The following RRH variants were observed in gnomAD, a reference collection of about 807,000 sequenced individuals.
RRH encodes the protein visual pigment-like receptor peropsin.
In RRH, 36 loss-of-function variants were observed where a neutral mutation model predicts 33.1. That is an observed-to-expected ratio of 1.09 (90% confidence interval 0.83 to 1.44). The LOEUF (loss-of-function observed/expected upper bound fraction) is 1.44. Ranked by LOEUF, RRH falls within the 40% of genes most tolerant of loss-of-function variation. RRH has a pLI of 0.00. For synonymous variants in RRH, 124 were observed against 140.2 expected, an observed-to-expected ratio of 0.88 and a Z score of 0.82; for missense variants, 393 against 420.2, an observed-to-expected ratio of 0.94 and a Z score of 0.57.
Position 109,844,096 on chromosome 4 carries a change from A to G in RRH, c.913A>G (p.Met305Val), listed in dbSNP as rs937900809. The G allele has an allele frequency of 6.2e-7, 1 of 1,612,840 alleles. No individual in the cohort carries two copies. Among genetic ancestry groups the G allele is most frequent in the Non-Finnish European group, 8.5e-7 (1 of 1,178,872 alleles). Reference sequence around the variant, plus strand: ...TTTTTATCGTAGGTTTCGGAGGGCAATGCTTGCCATGTTCAAATGTCAGAC... The same window carrying G: ...TTTTTATCGTAGGTTTCGGAGGGCAGTGCTTGCCATGTTCAAATGTCAGAC... ...VVANKKFRRAMLAMFKCQTHQ... is the reference protein window; with the variant it reads ...VVANKKFRRAVLAMFKCQTHQ... Residue 305 changes from methionine (M) to valine (V), a missense_variant, in exon 7 of 7, where the codon ATG (methionine) becomes GTG (valine). Physicochemically the swap from Met to Val is conservative, Grantham distance 21 (BLOSUM62 1). Coordinates refer to ENST00000317735, the MANE Select transcript of RRH (RefSeq NM_006583.5).
intron 1 of RRH, among the ~76,000 whole-genome samples, chr4:109,831,109 A>G (rs1302426484): frequency 1.3e-5 from 2 of 152,194 alleles, no homozygotes; most frequent in African/African-American, 4.8e-5. Flanking sequence ...CATTATTTCT[A>G]AGACTCCCAG....
intron 6 of RRH, 98 bp downstream of exon 6, chr4:109,842,745 C>G (rs1229920125): frequency 2.8e-6 from 3 of 1,084,408 alleles, no homozygotes; most frequent in Admixed American, 1.8e-5. Context: ...CCACTTCAAT[C>G]TAGCATAAAG....
chr4:109,832,495 A>AGTGTGTGT (rs36127904), intron 1 of RRH, among the ~76,000 whole-genome samples: 21,440 of 135,036 alleles, frequency 0.16, 1,816 homozygotes, highest in Admixed American at 0.2. Context: ...CTATTGGGGT[A>AGTGTGTGT]GTGTGTGTGT....
chr4:109,843,316 A>G (rs1734017251), intron 6 of RRH, among the ~76,000 whole-genome samples: 1 of 152,042 alleles, frequency 6.6e-6, no homozygotes, highest in Admixed American at 6.6e-5. Flanking sequence ...GGTTCAAGCA[A>G]TTCCCTGCCT....
At chr4:109,835,776 A>C (rs1199186565) in intron 3 of RRH, among the ~76,000 whole-genome samples, 3 of 146,454 alleles carry the variant, frequency 2.0e-5, no homozygotes, top group Non-Finnish European at 4.5e-5. Flanking sequence ...TTTAGGTTTC[A>C]GCTTAAATGT....
At chr4:109,829,349 TCTC>T (rs1178066424) in intron 1 of RRH, among the ~76,000 whole-genome samples, 1 of 151,414 alleles carries the variant, frequency 6.6e-6, no homozygotes, top group South Asian at 2.1e-4. Flanking sequence ...ACTGAGAAAA[TCTC>T]CTAACAATTA....
At chr4:109,843,787 T>C (rs1470229301) in intron 6 of RRH, among the ~76,000 whole-genome samples, 1 of 152,236 alleles carries the variant, frequency 6.6e-6, no homozygotes, top group East Asian at 1.9e-4. Context: ...TTAGTAGATG[T>C]CTTCAATCTG....
chr4:109,843,708 A>T (rs1734025922), intron 6 of RRH, among the ~76,000 whole-genome samples: 1 of 152,252 alleles, frequency 6.6e-6, no homozygotes, highest in Non-Finnish European at 1.5e-5. Flanking sequence ...ACACATTGTT[A>T]GTTCAAATAA....
chr4:109,830,099 A>G (rs1157071543), intron 1 of RRH, among the ~76,000 whole-genome samples: 3 of 152,168 alleles, frequency 2.0e-5, no homozygotes, highest in African/African-American at 7.2e-5. Context: ...AACTGTTACA[A>G]CTTCCAGTGC....
At chr4:109,837,190 G>A (rs553513041) in intron 4 of RRH, among the ~76,000 whole-genome samples, 1 of 152,320 alleles carries the variant, frequency 6.6e-6, no homozygotes, top group Non-Finnish European at 1.5e-5. Context: ...TAGCCAGTAT[G>A]TAAATGAGGG....
chr4:109,833,081 T>G (rs1733792054), intron 1 of RRH, 58 bp from the exon 2 acceptor site: 2 of 1,371,126 alleles, frequency 1.5e-6, no homozygotes, highest in African/African-American at 1.4e-5. Context: ...TAATTTTGAG[T>G]CTACTTTGAA....
chr4:109,842,648 G>A lies in RRH; in HGVS notation c.899+1G>A. 6.2e-7 allele frequency: 1 copy of A among 1,609,120 alleles called. No homozygotes were observed. Among genetic ancestry groups the A allele is most frequent in the Non-Finnish European group, 8.5e-7 (1 of 1,175,482 alleles). On this transcript the variant is annotated splice_donor_variant, in intron 6 of 6. Transcript: ENST00000317735. LOFTEE classifies it high-confidence loss of function. ...GCATTTATGTGGTTGCTAATAAAAA[G>A]TAAGTAATGTCTAAAATGCTTGCAG...
At chr4:109,831,660 G>GA (rs1291110127) in intron 1 of RRH, among the ~76,000 whole-genome samples, 1 of 152,122 alleles carries the variant, frequency 6.6e-6, no homozygotes, top group Non-Finnish European at 1.5e-5. Context: ...GGAGAAATAT[G>GA]AGTCAAGCAT....
At chr4:109,833,625 T>C (rs868447061) in intron 2 of RRH, among the ~76,000 whole-genome samples, 92 of 152,266 alleles carry the variant, frequency 6.0e-4, no homozygotes, top group African/African-American at 2.1e-3. Flanking sequence ...TATTTGCATA[T>C]TGCAAATTAA....
rs193170143 is a variant in RRH at position 109,842,186 on chromosome 4, C to T, written c.721-283C>T. On this transcript the variant is annotated intron_variant, in intron 5 of 6. Transcript: ENST00000317735. ...TCAGCTTTTGTACTCTCCCCTAGCA[C>T]GCAGAAAGAAAGAGGGCATTCCTTA... Among the ~76,000 whole-genome samples, 183 of 152,058 alleles carry T rather than the reference C, an allele frequency of 1.2e-3. 3 individuals carry two copies. Among genetic ancestry groups the T allele is most frequent in the African/African-American group, 3.6e-3 (148 of 41,444 alleles).
In RRH at chr4:109,842,487, T is replaced by G. The variant is rs1734002460; in HGVS notation, c.739T>G (p.Cys247Gly). ...TTTTCAGATGTCTGTGATCATGATC[T>G]GCATGTTTCTGGTGGCATGGTCCCC... ...DVTKMSVIMI[C>G]MFLVAWSPYS... is the part of the protein sequence containing the mutation. Residue 247 changes from cysteine to glycine, a missense_variant, in exon 6 of 7, where the codon TGC becomes GGC. By Grantham distance (159) the Cys-to-Gly change is radical. Transcript: ENST00000317735. 4 of 1,614,148 alleles carry G rather than the reference T, an allele frequency of 2.5e-6. No homozygotes were observed. The highest frequency in any genetic ancestry group is 3.4e-6 in the Non-Finnish European group (4 of 1,179,990).
At chr4:109,833,764 T>G (rs62324955) in intron 2 of RRH, among the ~76,000 whole-genome samples, 14,807 of 152,120 alleles carry the variant, frequency 0.097, 846 homozygotes, top group Admixed American at 0.15. Context: ...TGTTACTAAA[T>G]GTTATTTTTT....
chr4:109,843,913 A>C (rs1435440570), intron 6 of RRH, among the ~76,000 whole-genome samples, 170 bp from the exon 7 acceptor site: 2 of 152,232 alleles, frequency 1.3e-5, no homozygotes, highest in Admixed American at 6.5e-5. Flanking sequence ...TAACTGTACC[A>C]TATACTTTAT....
Position 109,844,656 on chromosome 4 carries a change from T to C in RRH, c.*459T>C, listed in dbSNP as rs941897900. ...TTTAACATTTAAATCAATTAACTTA[T>C]GTTATTAAACAAAAATAAATGAACA... is the stretch of plus-strand genomic sequence containing the variant. On this transcript the variant is annotated 3_prime_UTR_variant, in exon 7 of 7. Transcript: ENST00000317735. 1.3e-5 allele frequency: 2 copies of C among 157,388 alleles called. No individual in the cohort carries two copies. Among genetic ancestry groups the C allele is most frequent in the Non-Finnish European group, 2.8e-5 (2 of 71,126 alleles). 9.7% of individuals were successfully genotyped at this position (157,388 alleles called of 1,614,324 possible).
Sources: gnomAD v4.1 joint callset for allele counts (sites outside exome capture counted in the v4.1 genomes callset) on GRCh38, gnomAD v4.1.1 for gene constraint, MANE v1.5 for transcripts, NCBI Gene and HGNC (gene_info 2026-07-23, HGNC 2026-07-21) for gene names.